The following COBL variants were observed in gnomAD, a reference collection of about 807,000 sequenced individuals.
COBL encodes the protein protein cordon-bleu.
In COBL, 51 loss-of-function variants were observed where a neutral mutation model predicts 98.8. The observed-to-expected ratio is 0.52, with a 90% CI of 0.41 to 0.65. The LOEUF is 0.65. Ranked by LOEUF, COBL falls within the 30% of genes least tolerant of loss-of-function variation. The probability of loss-of-function intolerance (pLI) is 0.00; values close to 1 mark genes in which losing one functional copy is unlikely to be tolerated. For missense variants in COBL, 1,617 were observed against 1,617.5 expected (o/e 1.00, Z 0.01); for synonymous variants, 634 against 651.7 (o/e 0.97, Z 0.41).
intron 7 of COBL, among the ~76,000 whole-genome samples, chr7:51,049,818 G>A (rs1316278412): frequency 2.6e-5 from 4 of 152,188 alleles, no homozygotes; most frequent in Admixed American, 6.5e-5. Context: ...TGTTCAGGAG[G>A]CACGGTTTGG....
At chr7:51,044,243 G>T (rs536869634) in intron 7 of COBL, among the ~76,000 whole-genome samples, 1 of 152,272 alleles carries the variant, frequency 6.6e-6, no homozygotes, top group Admixed American at 6.5e-5. Flanking sequence ...TGTGGTTGAG[G>T]TTACCTGGCT....
At chr7:51,257,083 T>C (rs907643786) in intron 1 of COBL, among the ~76,000 whole-genome samples, 2 of 152,188 alleles carry the variant, frequency 1.3e-5, no homozygotes, top group Admixed American at 6.5e-5. Flanking sequence ...GATGAGGCTC[T>C]GAGCTTCCTA....
At chr7:51,109,155 A>G (rs1339691975) in intron 6 of COBL, among the ~76,000 whole-genome samples, 6 of 152,026 alleles carry the variant, frequency 3.9e-5, no homozygotes, top group Non-Finnish European at 7.4e-5. Context: ...GCACTATGCG[A>G]GTTTCTGCAC....
intron 5 of COBL, among the ~76,000 whole-genome samples, chr7:51,147,874 C>G (rs1403844826): frequency 6.6e-6 from 1 of 152,010 alleles, no homozygotes. Context: ...CCTCAGCCTC[C>G]CAAGTAGCTG....
intron 1 of COBL, among the ~76,000 whole-genome samples, chr7:51,251,646 C>T (rs1796734766): frequency 6.6e-6 from 1 of 152,188 alleles, no homozygotes; most frequent in Admixed American, 6.5e-5. Flanking sequence ...TATTGCCTGG[C>T]ATGGACATCA....
At chr7:51,307,576 C>T (rs1205918617) in intron 1 of COBL, among the ~76,000 whole-genome samples, 4 of 152,258 alleles carry the variant, frequency 2.6e-5, no homozygotes, top group Non-Finnish European at 5.9e-5. Flanking sequence ...TTAGAAAAAT[C>T]TATCATTCTA....
chr7:51,185,004 T>C (rs1477259803), intron 4 of COBL, among the ~76,000 whole-genome samples: 2 of 152,222 alleles, frequency 1.3e-5, no homozygotes, highest in Non-Finnish European at 2.9e-5. Context: ...CGTTTTCCTT[T>C]CAAATTACAT....
intron 1 of COBL, among the ~76,000 whole-genome samples, chr7:51,307,343 C>T (rs1219993073): frequency 9.4e-6 from 1 of 106,096 alleles, no homozygotes; most frequent in Non-Finnish European, 2.3e-5. Flanking sequence ...AGCAAGACTC[C>T]ATCTCAAAAC....
At chr7:51,145,133 G>C (rs1784901460) in intron 5 of COBL, among the ~76,000 whole-genome samples, 1 of 151,566 alleles carries the variant, frequency 6.6e-6, no homozygotes. Context: ...TCCTGCCTCA[G>C]CCTCCTGAGT....
rs1454948062 is a variant in COBL at position 51,043,427 on chromosome 7, C to A, written c.1362G>T (p.Lys454Asn). 6.2e-7 allele frequency: 1 copy of A among 1,614,224 alleles called. No individual in the cohort carries two copies. The highest frequency in any genetic ancestry group is 8.5e-7 in the Non-Finnish European group (1 of 1,180,048). The change falls in exon 8 of 13, where the codon AAG becomes AAT. Residue 454 changes from lysine (K) to asparagine (N), a missense_variant. This residue lies in a region of COBL where 1,304 missense variants were observed against 1,282.0 expected (regional missense o/e 1.02). Transcript: ENST00000265136. ...AGCCATTCTTCTCCCACAAGGGGCT[C>A]TTCTGGGGACCCAGGTCTGGGGTTC... ...LAGTPDLGPQ[K>N]SPLWEKNGSE... is the part of the protein sequence containing the mutation.
At chr7:51,097,270 TCAA>T (rs1204882599) in intron 6 of COBL, among the ~76,000 whole-genome samples, 2 of 151,908 alleles carry the variant, frequency 1.3e-5, no homozygotes. Context: ...AAAAAAACAC[TCAA>T]CAACTAGGAA....
At chr7:51,271,848 T>A (rs555497826) in intron 1 of COBL, among the ~76,000 whole-genome samples, 1 of 152,266 alleles carries the variant, frequency 6.6e-6, no homozygotes, top group Admixed American at 6.5e-5. Context: ...TTGGCCAACA[T>A]GGTGAAACCC....
At chr7:51,046,744 C>T (rs1789742507) in intron 7 of COBL, among the ~76,000 whole-genome samples, 1 of 152,070 alleles carries the variant, frequency 6.6e-6, no homozygotes, top group Non-Finnish European at 1.5e-5. Context: ...TGTGTGTGTC[C>T]CATTTCCCAC....
intron 4 of COBL, among the ~76,000 whole-genome samples, chr7:51,188,696 C>T (rs1004197120): frequency 2.6e-5 from 4 of 152,162 alleles, no homozygotes; most frequent in African/African-American, 4.8e-5. Context: ...CAAATCTGAA[C>T]GGCCAAGCTG....
At chr7:51,139,593 G>A (rs552842608) in intron 5 of COBL, among the ~76,000 whole-genome samples, 1 of 152,312 alleles carries the variant, frequency 6.6e-6, no homozygotes, top group African/African-American at 2.4e-5. Context: ...TGAGCCACCA[G>A]ACCCTCTTCT....
intron 4 of COBL, chr7:51,187,933 C>A: frequency 8.1e-7 from 1 of 1,232,476 alleles, no homozygotes; most frequent in Non-Finnish European, 1.0e-6. Context: ...TCAGGGAAGG[C>A]TCGGACTGAG....
chr7:51,070,392 AACACACACACACACAC>A (rs369051694), intron 7 of COBL, among the ~76,000 whole-genome samples: 2 of 139,016 alleles, frequency 1.4e-5, no homozygotes, highest in South Asian at 4.9e-4. Context: ...AAACAGTTAA[AACACACACACACACAC>A]ACACACACAC....
intron 6 of COBL, among the ~76,000 whole-genome samples, chr7:51,099,091 CAA>C (rs542571317): frequency 1.5e-4 from 14 of 95,440 alleles, no homozygotes; most frequent in East Asian, 2.9e-4. Context: ...TGGCCACTAT[CAA>C]AAAAAAAAAA....
intron 6 of COBL, among the ~76,000 whole-genome samples, chr7:51,111,669 C>A (rs898728901): frequency 3.9e-5 from 6 of 152,158 alleles, no homozygotes; most frequent in Admixed American, 1.3e-4. Flanking sequence ...CTGCCTCTCC[C>A]CCGTGCCTGG....
Sources: allele counts gnomAD v4.1 joint callset (sites outside exome capture counted in the v4.1 genomes callset), GRCh38; gene constraint gnomAD v4.1.1; regional missense constraint gnomAD v4.1.1; transcripts MANE v1.5; gene names NCBI Gene and HGNC (gene_info 2026-07-23, HGNC 2026-07-21).